The following PTCSC3 variants were observed in gnomAD, a reference collection of about 807,000 sequenced individuals.
PTCSC3 encodes the protein papillary thyroid carcinoma susceptibility candidate 3.
At chr14:36,139,105 C>T (rs1012487218) in intron 3 of PTCSC3, among the ~76,000 whole-genome samples, 1 of 130,372 alleles carries the variant, frequency 7.7e-6, no homozygotes, top group Non-Finnish European at 1.6e-5. Flanking sequence ...CAGAGCGAGA[C>T]TCCATCTCAA....
intron 3 of PTCSC3, among the ~76,000 whole-genome samples, chr14:36,145,233 T>G (rs1334316080): frequency 6.7e-6 from 1 of 148,544 alleles, no homozygotes; most frequent in Non-Finnish European, 1.5e-5. Context: ...TCAGAAGGAA[T>G]GGTACCAGTT....
chr14:36,147,460 C>G (rs1334549867), intron 3 of PTCSC3, among the ~76,000 whole-genome samples: 1 of 152,178 alleles, frequency 6.6e-6, no homozygotes, highest in Admixed American at 6.5e-5. Flanking sequence ...CGCATCGGCT[C>G]CTGAGGCTTC....
intron 2 of PTCSC3, among the ~76,000 whole-genome samples, chr14:36,154,577 T>G (rs1004826816): frequency 3.3e-5 from 5 of 152,086 alleles, no homozygotes; most frequent in African/African-American, 1.2e-4. Context: ...AAAGATGGGT[T>G]GGGGAGAGGT....
intron 1 of PTCSC3, among the ~76,000 whole-genome samples, chr14:36,173,450 A>C (rs930803518): frequency 1.3e-5 from 2 of 152,150 alleles, no homozygotes; most frequent in African/African-American, 4.8e-5. Context: ...ATGCTGAATT[A>C]AATGTCAAAT....
chr14:36,154,742 G>T (rs1881793484), intron 2 of PTCSC3, among the ~76,000 whole-genome samples: 1 of 152,134 alleles, frequency 6.6e-6, no homozygotes. Flanking sequence ...TCTCTCTGGG[G>T]GAGGGGCAAG....
chr14:36,157,195 C>T (rs1267259113), intron 2 of PTCSC3, among the ~76,000 whole-genome samples: 1 of 152,188 alleles, frequency 6.6e-6, no homozygotes, highest in Non-Finnish European at 1.5e-5. Flanking sequence ...TGTTTTTCGG[C>T]TGCATAAATG....
chr14:36,152,371 C>G (rs1447457595), intron 3 of PTCSC3, among the ~76,000 whole-genome samples: 1 of 152,086 alleles, frequency 6.6e-6, no homozygotes, highest in Non-Finnish European at 1.5e-5. Context: ...GGGAGGATTG[C>G]TTGAGCCCAG....
chr14:36,146,758 C>T (rs189546839), intron 3 of PTCSC3, among the ~76,000 whole-genome samples: 3,761 of 147,260 alleles, frequency 0.026, 136 homozygotes, highest in African/African-American at 0.087. Flanking sequence ...TTCCTAGTCT[C>T]GATGGTCTTT....
intron 3 of PTCSC3, among the ~76,000 whole-genome samples, chr14:36,142,654 CTT>C (rs540686041): frequency 6.9e-6 from 1 of 144,158 alleles, no homozygotes; most frequent in Non-Finnish European, 1.5e-5. Context: ...CATTCAATTT[CTT>C]TTTTTTTTTT....
At chr14:36,152,231 G>A (rs1016706805) in intron 3 of PTCSC3, among the ~76,000 whole-genome samples, 2 of 151,780 alleles carry the variant, frequency 1.3e-5, no homozygotes, top group Admixed American at 1.3e-4. Flanking sequence ...GTAAAAAAAT[G>A]CTAAAGAAAA....
At position 36,158,812 on chromosome 14, in the gene PTCSC3, A is replaced by G. The variant is rs117457897; in HGVS notation, n.231+3812T>C. ...TCCTTCTTTTTCTTTTGTTTGGAAT[A>G]GTTTCAGAAGGAACAGTACAAGCAC... is the stretch of plus-strand genomic sequence containing the variant. On this transcript the variant is annotated intron_variant and non_coding_transcript_variant, in intron 2 of 3. Coordinates refer to ENST00000556013, the Ensembl canonical transcript of PTCSC3. Among the ~76,000 whole-genome samples the G allele has an allele frequency of 1.7e-3, 257 of 152,302 alleles. 6 individuals carry two copies. The East Asian group carries it at 0.045, about 26-fold the overall frequency.
At chr14:36,161,582 C>T (rs1437507545) in intron 2 of PTCSC3, among the ~76,000 whole-genome samples, 1 of 152,122 alleles carries the variant, frequency 6.6e-6, no homozygotes, top group Non-Finnish European at 1.5e-5. Context: ...GCTGCCTGTT[C>T]CTTCCTCTGG....
chr14:36,154,074 A>T (rs1035017190), intron 2 of PTCSC3, among the ~76,000 whole-genome samples: 1 of 151,798 alleles, frequency 6.6e-6, no homozygotes, highest in African/African-American at 2.4e-5. Context: ...CTCGAAAAAA[A>T]AAAAAACTAC....
In PTCSC3 at chr14:36,173,609, T is replaced by C. The variant is rs900823617; in HGVS notation, n.171+2689A>G. Among the ~76,000 whole-genome samples the C allele has an allele frequency of 7.7e-5, 11 of 143,736 alleles. 1 individual carries two copies. In the East Asian group the frequency reaches 1.5e-3, roughly 19 times the overall value. 94.3% of individuals were successfully genotyped at this position (143,736 alleles called of 152,430 possible). On this transcript the variant is annotated intron_variant and non_coding_transcript_variant, in intron 1 of 3. Transcript: ENST00000556013. ...TAAGTCTATAGGAACTTCAGTTCTATAATGATATCTATCTTCAGCACAGTC... is the reference window on the plus strand; with the variant it reads ...TAAGTCTATAGGAACTTCAGTTCTACAATGATATCTATCTTCAGCACAGTC...
At chr14:36,142,703 T>A (rs1881452926) in intron 3 of PTCSC3, among the ~76,000 whole-genome samples, 1 of 151,660 alleles carries the variant, frequency 6.6e-6, no homozygotes, top group Non-Finnish European at 1.5e-5. Flanking sequence ...CATGTGCACA[T>A]TGTGCAGGTT....
intron 3 of PTCSC3, among the ~76,000 whole-genome samples, chr14:36,136,840 T>A (rs890774919): frequency 2.0e-5 from 3 of 152,216 alleles, no homozygotes; most frequent in African/African-American, 7.2e-5. Flanking sequence ...TTATTATTCT[T>A]CAGTAGGTCA....
intron 3 of PTCSC3, among the ~76,000 whole-genome samples, chr14:36,138,198 C>A (rs893793625): frequency 1.3e-5 from 2 of 152,092 alleles, no homozygotes; most frequent in African/African-American, 4.8e-5. Context: ...GAATCTTAGC[C>A]CTTAACTCAC....
intron 3 of PTCSC3, among the ~76,000 whole-genome samples, chr14:36,147,143 G>T (rs1881594642): frequency 6.6e-6 from 1 of 152,020 alleles, no homozygotes; most frequent in Admixed American, 6.6e-5. Context: ...TATGTGTCTT[G>T]GAGTTGCTCT....
At chr14:36,137,568 A>G (rs1881316393) in intron 3 of PTCSC3, among the ~76,000 whole-genome samples, 1 of 152,214 alleles carries the variant, frequency 6.6e-6, no homozygotes, top group African/African-American at 2.4e-5. Flanking sequence ...TAGGAATAGC[A>G]TAATGAGAAA....
Sources: gnomAD v4.1 joint callset for allele counts (sites outside exome capture counted in the v4.1 genomes callset) on GRCh38, gnomAD v4.1.1 for gene constraint, MANE v1.5 for transcripts, NCBI Gene and HGNC (gene_info 2026-07-23, HGNC 2026-07-21) for gene names.